RPP30: variants seen among roughly 807,000 people sequenced by gnomAD.
The protein encoded by RPP30 is ribonuclease P/MRP subunit p30.
In RPP30, 36 loss-of-function variants were observed where a neutral mutation model predicts 38.6. That is an observed-to-expected ratio of 0.93 (90% CI 0.71 to 1.23). RPP30 has a LOEUF of 1.23. Among genes scored for constraint, RPP30 ranks in the 50% most tolerant of loss-of-function variants. RPP30 has a pLI of 0.00. For synonymous variants in RPP30, 126 were observed against 112.7 expected (o/e 1.12, Z -0.75); for missense variants, 321 against 321.7 (o/e 1.00, Z 0.02).
At chr10:90,891,055 C>T (rs923982201) in intron 6 of RPP30, among the ~76,000 whole-genome samples, 1 of 152,180 alleles carries the variant, frequency 6.6e-6, no homozygotes. Context: ...AGTCCCTATG[C>T]GGAGAGTGGG....
intron 5 of RPP30, among the ~76,000 whole-genome samples, chr10:90,879,543 G>GT (rs944338023): frequency 1.3e-5 from 2 of 152,124 alleles, no homozygotes; most frequent in Non-Finnish European, 2.9e-5. Flanking sequence ...TTCTACCTCT[G>GT]TTTCGGCTTC....
chr10:90,880,532 A>G (rs145879310), intron 5 of RPP30, among the ~76,000 whole-genome samples: 12 of 152,238 alleles, frequency 7.9e-5, no homozygotes, highest in African/African-American at 2.6e-4. Context: ...GTTCAAGACC[A>G]GCCTGGCCAA....
In RPP30 at chr10:90,896,497, T is replaced by G; in HGVS notation, c.697+105T>G. 3.7e-6 allele frequency: 3 copies of G among 808,572 alleles called. 1 individual carries two copies. In the South Asian group the frequency reaches 4.7e-5, roughly 13 times the overall value. The allele number at this position is 808,572 out of a possible 1,614,324, so 50.1% of individuals were successfully genotyped here. On this transcript the variant is annotated intron_variant, in intron 10 of 10. Coordinates refer to ENST00000371703, the MANE Select transcript of RPP30 (RefSeq NM_006413.5). ...CCTACCCTACAGAGTTCCTTTGGGA[T>G]CATCTTTTCTCAACCTGTTCTAAAC...
intron 7 of RPP30, chr10:90,895,209 T>C: frequency 2.0e-6 from 1 of 493,762 alleles, no homozygotes; most frequent in Non-Finnish European, 3.5e-6. Context: ...TTTCATCTTG[T>C]TTTTTAAACT....
chr10:90,893,406 C>G (rs77436367), intron 6 of RPP30, among the ~76,000 whole-genome samples: 1,823 of 152,300 alleles, frequency 0.012, 44 homozygotes, highest in African/African-American at 0.042. Context: ...TTGGACCATA[C>G]TGCCTAGAAC....
intron 5 of RPP30, among the ~76,000 whole-genome samples, chr10:90,879,570 G>A (rs1316398990): frequency 6.6e-6 from 1 of 152,174 alleles, no homozygotes; most frequent in Non-Finnish European, 1.5e-5. Flanking sequence ...TGCATGCTCT[G>A]TGGTATAGCC....
At position 90,895,885 on chromosome 10, in the gene RPP30, A is replaced by T; in HGVS notation, c.585A>T (p.Leu195Phe). 1.3e-6 allele frequency: 2 copies of T among 1,595,866 alleles called. No homozygotes were observed. The highest frequency in any genetic ancestry group is 1.7e-6 in the Non-Finnish European group (2 of 1,170,182). The change falls in exon 9 of 11, where the codon TTA (leucine) becomes TTT (phenylalanine). Residue 195 changes from leucine (L) to phenylalanine (F), a missense_variant. Coordinates refer to ENST00000371703, the MANE Select transcript of RPP30 (RefSeq NM_006413.5). ...VIISSAAERP[L>F]EIRGPYDVAN... is the part of the protein sequence containing the mutation. ...CTTTGTTCATTTTATTTCAGCCTTT[A>T]GAAATAAGAGGGCCATATGACGTGG... is the stretch of plus-strand genomic sequence containing the variant.
Position 90,901,138 on chromosome 10 carries a change from C to CTTTT in RPP30, c.*460_*461insTTTT. 1 of 235,994 alleles carries CTTTT rather than the reference C, an allele frequency of 4.2e-6. No homozygotes were observed. The highest frequency in any genetic ancestry group is 6.5e-6 in the Non-Finnish European group (1 of 152,994). 14.6% of individuals were successfully genotyped at this position (235,994 alleles called of 1,614,324 possible). A position where few individuals can be genotyped will look rare whatever the true frequency, so the allele number is the denominator to read the frequency against. ...TACAGGTGTGCACTACCACACCTGG[C>CTTTT]TATTTTTTTTTTTTTTTTTTTTTTC... On this transcript the variant is annotated 3_prime_UTR_variant, in exon 11 of 11. Transcript: ENST00000371703.
chr10:90,873,728 G>A (rs1221067343), intron 1 of RPP30, among the ~76,000 whole-genome samples: 2 of 152,150 alleles, frequency 1.3e-5, no homozygotes, highest in Non-Finnish European at 2.9e-5. Context: ...TGGGAGTGTG[G>A]TAAAGAAGAA....
chr10:90,885,815 G>C lies in RPP30; in HGVS notation c.346G>C (p.Ala116Pro). ...CCTATTTTTTTCTTCTTTACAGATT[G>C]CTTGCACACATTTAGATGTGGATTT... ...FPKTEKLFHI[A>P]CTHLDVDLVC... Residue 116 changes from alanine (A) to proline (P), a missense_variant, in exon 6 of 11, where the codon GCT becomes CCT. Ala to Pro is a conservative substitution (Grantham distance 27, BLOSUM62 -1). Coordinates refer to ENST00000371703, the MANE Select transcript of RPP30 (RefSeq NM_006413.5). 8 of 1,606,374 alleles carry C rather than the reference G, an allele frequency of 5.0e-6. No individual in the cohort carries two copies. Among genetic ancestry groups the C allele is most frequent in the Non-Finnish European group, 6.8e-6 (8 of 1,176,686 alleles).
chr10:90,895,095 G>C, intron 7 of RPP30: 1 of 612,952 alleles, frequency 1.6e-6, no homozygotes, highest in Non-Finnish European at 2.9e-6. Flanking sequence ...AAAAAGATGT[G>C]TTGGAAGCCA....
intron 10 of RPP30, 116 bp from the exon 11 acceptor site, chr10:90,900,454 C>G: frequency 1.1e-6 from 1 of 923,814 alleles, no homozygotes; most frequent in Non-Finnish European, 1.6e-6. Context: ...GCAGCCATAG[C>G]AGTTCATTAT....
chr10:90,879,877 AG>A (rs1161783677), intron 5 of RPP30, among the ~76,000 whole-genome samples: 1 of 152,232 alleles, frequency 6.6e-6, no homozygotes, highest in East Asian at 1.9e-4. Flanking sequence ...AAAGTTCAAA[AG>A]TTACCTTTAT....
At chr10:90,898,208 G>T (rs191334674) in intron 10 of RPP30, among the ~76,000 whole-genome samples, 14 of 152,182 alleles carry the variant, frequency 9.2e-5, no homozygotes, top group African/African-American at 3.4e-4. Flanking sequence ...CTAAAATCAG[G>T]CTTTTATAGA....
Position 90,901,695 on chromosome 10 carries a change from T to A in RPP30, c.*1016T>A. The stretch of plus-strand genomic sequence containing the variant: ...AAGTAGAAGTAGCTTTTTATGCAAA[T>A]ACATGCATTTATGCAATATTAATGT... On this transcript the variant is annotated 3_prime_UTR_variant, in exon 11 of 11. Transcript: ENST00000371703. 1.0e-6 allele frequency: 1 copy of A among 984,222 alleles called. No individual in the cohort carries two copies. The highest frequency in any genetic ancestry group is 1.2e-6 in the Non-Finnish European group (1 of 828,854). 61.0% of individuals were successfully genotyped at this position (984,222 alleles called of 1,614,324 possible). A position where few individuals can be genotyped will look rare whatever the true frequency, so the allele number is the denominator to read the frequency against.
intron 3 of RPP30, 118 bp from the exon 4 acceptor site, chr10:90,875,906 T>G: frequency 1.5e-6 from 1 of 652,972 alleles, no homozygotes; most frequent in South Asian, 1.9e-5. Context: ...GGACTGGGTT[T>G]TATTGATCTT....
downstream of RPP30, chr10:90,905,864 A>T (rs1847248860): frequency 2.0e-5 from 3 of 152,248 alleles, no homozygotes; most frequent in Non-Finnish European, 2.9e-5. Context: ...ATGGATAAGG[A>T]TATTCACTGC....
downstream of RPP30, chr10:90,903,271 TA>T: frequency 6.3e-7 from 1 of 1,598,880 alleles, no homozygotes; most frequent in Non-Finnish European, 8.6e-7. Flanking sequence ...GACCCTTCTT[TA>T]AAAGGTTGGT....
chr10:90,882,497 A>G (rs1335879406), intron 5 of RPP30, among the ~76,000 whole-genome samples: 1 of 150,938 alleles, frequency 6.6e-6, no homozygotes, highest in African/African-American at 2.4e-5. Context: ...CCCCGACTCC[A>G]CTAAAAATTC....
Sources: allele counts gnomAD v4.1 joint callset (sites outside exome capture counted in the v4.1 genomes callset), GRCh38; gene constraint gnomAD v4.1.1; transcripts MANE v1.5; gene names NCBI Gene and HGNC (gene_info 2026-07-23, HGNC 2026-07-21).